TTLL9: variants seen among roughly 807,000 people sequenced by gnomAD.
TTLL9 encodes tubulin tyrosine ligase like 9, also known as probable tubulin polyglutamylase TTLL9.
TTLL9 carries 47 observed loss-of-function variants against 65.6 expected under a neutral mutation model. The observed-to-expected ratio is 0.72, with a 90% CI of 0.57 to 0.91. TTLL9 has a LOEUF of 0.91. Among genes scored for constraint, TTLL9 ranks in the 40% least tolerant of loss-of-function variants. The pLI is 0.00. For missense variants in TTLL9, 537 were observed against 568.8 expected (o/e 0.94, Z 0.57); for synonymous variants, 179 against 204.8 (o/e 0.87, Z 1.07).
chr20:31,928,559 A>G (rs571349745), intron 10 of TTLL9, among the ~76,000 whole-genome samples: 3 of 151,574 alleles, frequency 2.0e-5, no homozygotes, highest in Admixed American at 2.0e-4. Context: ...TAGTATATCT[A>G]TACATACACT....
intron 6 of TTLL9, among the ~76,000 whole-genome samples, 156 bp downstream of exon 6, chr20:31,910,078 C>T (rs930281518): frequency 2.0e-5 from 3 of 152,202 alleles, no homozygotes; most frequent in African/African-American, 7.2e-5. Context: ...TGTGTGGACC[C>T]AGCAGCTATG....
rs1555809590 is a variant in TTLL9, at chr20:31,889,972, C to CTCTTTCTTTTTCTT, written c.113+2742_113+2743insTTCTTTCTTTCTTT. Among the ~76,000 whole-genome samples the CTCTTTCTTTTTCTT allele has an allele frequency of 7.0e-5, 8 of 113,966 alleles. No homozygotes were observed. In the East Asian group the frequency reaches 2.2e-3, roughly 31 times the overall value. 74.8% of individuals were successfully genotyped at this position (113,966 alleles called of 152,430 possible). On this transcript the variant is annotated intron_variant, in intron 3 of 14. Coordinates refer to ENST00000535842, the MANE Select transcript of TTLL9 (RefSeq NM_001008409.5). ...GAGGGAAGAATCAAGCCACATCTCT[C>CTCTTTCTTTTTCTT]TCTTTCTTTCTTTCTTTCTTTCTTT...
chr20:31,910,674 G>C (rs114235487), intron 6 of TTLL9, among the ~76,000 whole-genome samples: 1 of 152,148 alleles, frequency 6.6e-6, no homozygotes, highest in South Asian at 2.1e-4. Context: ...AGTGTTAGGG[G>C]ACTAAATGAG....
intron 6 of TTLL9, among the ~76,000 whole-genome samples, chr20:31,910,786 C>T (rs1397120144): frequency 1.3e-5 from 2 of 152,028 alleles, no homozygotes; most frequent in Non-Finnish European, 2.9e-5. Context: ...TACAAGTCTG[C>T]CTGGAAAAAA....
intron 2 of TTLL9, among the ~76,000 whole-genome samples, chr20:31,874,640 C>T (rs2063012183): frequency 6.6e-6 from 1 of 152,026 alleles, no homozygotes; most frequent in African/African-American, 2.4e-5. Context: ...GAACTCCTGA[C>T]CTCAAGTGAT....
chr20:31,887,316 C>T (rs2063207247), intron 3 of TTLL9, 77 bp downstream of exon 3: 4 of 1,437,942 alleles, frequency 2.8e-6, no homozygotes, highest in Non-Finnish European at 2.9e-6. Context: ...ATCCCTCTCT[C>T]CCTTTTCTAC....
intron 6 of TTLL9, among the ~76,000 whole-genome samples, chr20:31,910,155 G>C (rs1177575464): frequency 6.6e-6 from 1 of 152,234 alleles, no homozygotes; most frequent in Non-Finnish European, 1.5e-5. Flanking sequence ...TAGGACGCCA[G>C]GGCAGGGAAT....
intron 2 of TTLL9, among the ~76,000 whole-genome samples, chr20:31,880,880 G>A (rs1432721753): frequency 4.4e-5 from 5 of 113,426 alleles, no homozygotes; most frequent in African/African-American, 1.4e-4. Flanking sequence ...TTTGAGACAA[G>A]GTCTTACTTG....
chr20:31,901,657 T>C (rs1033722167), intron 4 of TTLL9, among the ~76,000 whole-genome samples: 1 of 152,186 alleles, frequency 6.6e-6, no homozygotes, highest in East Asian at 1.9e-4. Context: ...TTGAACATGC[T>C]CTTCCCAACC....
chr20:31,931,668 G>T (rs1600618321), intron 10 of TTLL9, among the ~76,000 whole-genome samples: 1 of 152,170 alleles, frequency 6.6e-6, no homozygotes, highest in East Asian at 1.9e-4. Flanking sequence ...ATTATACTGA[G>T]CACCTTTTAT....
chr20:31,882,713 T>G (rs2123395915), intron 2 of TTLL9, among the ~76,000 whole-genome samples: 2 of 152,328 alleles, frequency 1.3e-5, no homozygotes, highest in Admixed American at 1.3e-4. Context: ...GGCTGTTTTT[T>G]GGGTCAAGAT....
At chr20:31,900,678 T>C (rs938276483) in intron 4 of TTLL9, among the ~76,000 whole-genome samples, 1 of 152,148 alleles carries the variant, frequency 6.6e-6, no homozygotes, top group Non-Finnish European at 1.5e-5. Flanking sequence ...GTGATCATGC[T>C]AATATCCGCA....
In TTLL9 at chr20:31,871,137, C is replaced by T; in HGVS notation, c.11C>T (p.Ser4Phe). MVP[S>F]REALLGPGTT... ...CGGCCCCTAGGAGGGATGGTGCCAT[C>T]CAGGGAAGCTCTGCTGGGACCAGGC... Residue 4 changes from serine to phenylalanine, a missense_variant, in exon 2 of 15, where the codon TCC (serine) becomes TTC (phenylalanine). This residue lies in a region of TTLL9 where 320 missense variants were observed against 311.0 expected (regional missense o/e 1.03). Coordinates refer to ENST00000535842, the MANE Select transcript of TTLL9 (RefSeq NM_001008409.5). The T allele has an allele frequency of 6.2e-7, 1 of 1,614,144 alleles. No individual in the cohort carries two copies. The highest frequency in any genetic ancestry group is 8.5e-7 in the Non-Finnish European group (1 of 1,180,020).
intron 4 of TTLL9, among the ~76,000 whole-genome samples, chr20:31,902,416 T>A (rs2063492312): frequency 6.6e-6 from 1 of 152,226 alleles, no homozygotes; most frequent in Admixed American, 6.5e-5. Flanking sequence ...AGTCTCGCTG[T>A]GTCGCCCAGG....
Position 31,909,739 on chromosome 20 carries a change from G to A in TTLL9, c.321G>A (p.Leu107=), listed in dbSNP as rs755123562. The A allele has an allele frequency of 1.9e-6, 3 of 1,613,182 alleles. No homozygotes were observed. The highest frequency in any genetic ancestry group is 2.2e-5 in the South Asian group (2 of 90,978). Residue 107 remains leucine, a splice_region_variant and synonymous_variant, in exon 6 of 15, where the codon CTG becomes CTA. Transcript: ENST00000535842. Reference sequence around the variant, plus strand: ...CGCCTGTCCTTCCCGCCACCCAGCTGACCCGGAAGAACTACATGGTGAAGA... The same window carrying A: ...CGCCTGTCCTTCCCGCCACCCAGCTAACCCGGAAGAACTACATGGTGAAGA... ...RISHFRNHYE[L]TRKNYMVKNL... is the part of the protein sequence containing the mutation.
rs1009258891 is a variant in TTLL9, at chr20:31,943,781, T to C, written c.*760T>C. On this transcript the variant is annotated 3_prime_UTR_variant, in exon 15 of 15. Coordinates refer to ENST00000535842, the MANE Select transcript of TTLL9 (RefSeq NM_001008409.5). ...GCTTCTCTAGGCCTTGTGTTTGAGATTGGGAGCTGAGCCAGAAACCGGAAA... is the reference window on the plus strand; with the variant it reads ...GCTTCTCTAGGCCTTGTGTTTGAGACTGGGAGCTGAGCCAGAAACCGGAAA... 3 of 456,548 alleles carry C rather than the reference T, an allele frequency of 6.6e-6. No homozygotes were observed. Among genetic ancestry groups the C allele is most frequent in the African/African-American group, 6.0e-5 (3 of 50,028 alleles). 28.3% of individuals were successfully genotyped at this position (456,548 alleles called of 1,614,324 possible).
chr20:31,892,970 A>AT (rs890610406), intron 3 of TTLL9, among the ~76,000 whole-genome samples: 22 of 150,916 alleles, frequency 1.5e-4, no homozygotes, highest in South Asian at 4.2e-4. Flanking sequence ...AGCTACTTGA[A>AT]TTTTTTTTTT....
chr20:31,890,474 G>A (rs1420703301), intron 3 of TTLL9, among the ~76,000 whole-genome samples: 1 of 152,104 alleles, frequency 6.6e-6, no homozygotes, highest in Non-Finnish European at 1.5e-5. Context: ...TGTATCGCAA[G>A]TTATTTACCC....
At chr20:31,920,725 T>G (rs1308861228) in intron 7 of TTLL9, 1 of 152,368 alleles carries the variant, frequency 6.6e-6, no homozygotes, top group Non-Finnish European at 1.5e-5. Flanking sequence ...GCCACGTGAG[T>G]GGAGGTAGGG....
Sources: allele counts gnomAD v4.1 joint callset (sites outside exome capture counted in the v4.1 genomes callset), GRCh38; gene constraint gnomAD v4.1.1; regional missense constraint gnomAD v4.1.1; transcripts MANE v1.5; gene names NCBI Gene and HGNC (gene_info 2026-07-23, HGNC 2026-07-21).